Variants in FRMPD4 observed in about 807,000 individuals in gnomAD.
FRMPD4 encodes FERM and PDZ domain-containing protein 4.
FRMPD4 carries 22 observed loss-of-function variants against 94.1 expected under a neutral mutation model. That is an observed-to-expected ratio of 0.23 (90% confidence interval 0.17 to 0.33). The LOEUF is 0.33. Ranked by LOEUF, FRMPD4 falls within the 10% of genes least tolerant of loss-of-function variation. FRMPD4 has a pLI of 1.00. For missense variants in FRMPD4, 1,111 were observed against 1,339.9 expected, an observed-to-expected ratio of 0.83 and a Z score of 2.67; for synonymous variants, 631 against 548.6, an observed-to-expected ratio of 1.15 and a Z score of -2.10.
rs952954871 is a variant in FRMPD4 at position 12,723,655 on chromosome X, G to A, written c.*1797G>A. 1.8e-5 allele frequency: 2 copies of A among 111,510 alleles called. No homozygotes were observed. The highest frequency in any genetic ancestry group is 6.5e-5 in the African/African-American group (2 of 30,643). The allele number at this position is 111,510 out of a possible 1,213,427, so 9.2% of individuals were successfully genotyped here. On this transcript the variant is annotated 3_prime_UTR_variant, in exon 17 of 17. Coordinates refer to ENST00000675598, the MANE Select transcript of FRMPD4 (RefSeq NM_001368397.1). The stretch of plus-strand genomic sequence containing the variant: ...GTACTAAAATCCTAACCTATTAATA[G>A]GATGTGTGCCCTATGTCAGACAGTG...
chrX:12,043,947 T>C (rs927414500), intron 3 of FRMPD4, among the ~76,000 whole-genome samples: 6 of 111,769 alleles, frequency 5.4e-5, no homozygotes, highest in African/African-American at 1.6e-4. Flanking sequence ...TGATAAAATA[T>C]AGTTTATTCT....
At chrX:12,369,164 C>T (rs1298974480) in intron 1 of FRMPD4, among the ~76,000 whole-genome samples, 3 of 109,693 alleles carry the variant, frequency 2.7e-5, no homozygotes, top group South Asian at 4.0e-4. Context: ...GGGCAGTCTG[C>T]TGTATGTAAG....
At chrX:11,884,500 A>G (rs1424665606) in intron 3 of FRMPD4, among the ~76,000 whole-genome samples, 4 of 111,281 alleles carry the variant, frequency 3.6e-5, no homozygotes, top group Non-Finnish European at 7.5e-5. Flanking sequence ...TGTTTTTCTA[A>G]TGTGTGTGTA....
chrX:11,876,197 A>G (rs1188217618), intron 2 of FRMPD4, among the ~76,000 whole-genome samples: 1 of 110,293 alleles, frequency 9.1e-6, no homozygotes, highest in Non-Finnish European at 1.9e-5. Flanking sequence ...ACTCTGTACT[A>G]TTTCTCCCTC....
At chrX:12,474,149 G>A (rs758903824) in intron 1 of FRMPD4, among the ~76,000 whole-genome samples, 1 of 109,991 alleles carries the variant, frequency 9.1e-6, no homozygotes, top group South Asian at 3.8e-4. Flanking sequence ...TAGAACTCAG[G>A]ATTAAGAAAC....
chrX:12,558,454 A>G (rs2058618805), intron 2 of FRMPD4, among the ~76,000 whole-genome samples: 1 of 112,933 alleles, frequency 8.9e-6, no homozygotes, highest in Non-Finnish European at 1.9e-5. Flanking sequence ...TGCATATATT[A>G]TCTGTCTCTG....
intron 2 of FRMPD4, among the ~76,000 whole-genome samples, chrX:12,590,885 T>C (rs1456111434): frequency 1.8e-5 from 2 of 112,067 alleles, no homozygotes; most frequent in Admixed American, 9.4e-5. Flanking sequence ...ATTTGTGCTA[T>C]TGACATGACT....
In FRMPD4 at chrX:12,163,601, G is replaced by A. The variant is rs747509783; in HGVS notation, c.41+24589G>A. ...CCATTAGGGTTTTCATTCAGTGCCA[G>A]GCAGTGTTTACACTTGCCAACGTGC... On this transcript the variant is annotated intron_variant, in intron 1 of 16. Transcript: ENST00000675598. Among the ~76,000 whole-genome samples, 4 of 111,662 alleles carry A rather than the reference G, an allele frequency of 3.6e-5. No individual in the cohort carries two copies. The South Asian group carries it at 1.5e-3, about 42-fold the overall frequency.
At chrX:12,715,100 C>T (rs1269700018) in intron 14 of FRMPD4, among the ~76,000 whole-genome samples, 1 of 111,412 alleles carries the variant, frequency 9.0e-6, no homozygotes, top group African/African-American at 3.3e-5. Flanking sequence ...ATAGTATGGC[C>T]CTAAAATTTT....
At chrX:12,487,993 A>T (rs1210069903) in intron 1 of FRMPD4, among the ~76,000 whole-genome samples, 3 of 112,473 alleles carry the variant, frequency 2.7e-5, no homozygotes, top group Non-Finnish European at 1.9e-5. Flanking sequence ...ACCCATTAAA[A>T]ATATTGCAAA....
At chrX:12,263,487 C>T (rs1476243902) in intron 1 of FRMPD4, among the ~76,000 whole-genome samples, 1 of 111,732 alleles carries the variant, frequency 8.9e-6, no homozygotes, top group Non-Finnish European at 1.9e-5. Context: ...GGAATGAAAG[C>T]CAGTAGAGAG....
intron 4 of FRMPD4, among the ~76,000 whole-genome samples, chrX:12,642,426 T>C (rs1226627251): frequency 9.0e-6 from 1 of 110,975 alleles, no homozygotes; most frequent in Non-Finnish European, 1.9e-5. Flanking sequence ...TTAGAGTGCT[T>C]TGGGGAGTGA....
At chrX:12,156,240 A>G (rs1396503654) in intron 1 of FRMPD4, among the ~76,000 whole-genome samples, 1 of 111,637 alleles carries the variant, frequency 9.0e-6, no homozygotes, top group Non-Finnish European at 1.9e-5. Flanking sequence ...ATTGACAAAC[A>G]CTGGATGCTA....
rs998088360 is a variant in FRMPD4 at position 12,265,544 on chromosome X, A to G, written c.41+126532A>G. 6.3e-5 allele frequency among the ~76,000 whole-genome samples: 7 copies of G among 111,735 alleles called. 1 individual carries two copies. The highest frequency in any genetic ancestry group is 5.7e-4 in the Admixed American group (6 of 10,589). ...TTAAAGGGCATTTTGATTTGTAGACACTACCCCTTGGGGAAATTTTCTCAG... is the reference window on the plus strand; with the variant it reads ...TTAAAGGGCATTTTGATTTGTAGACGCTACCCCTTGGGGAAATTTTCTCAG... On this transcript the variant is annotated intron_variant, in intron 1 of 16. Transcript: ENST00000675598.
At chrX:12,351,402 G>A (rs1472713164) in intron 1 of FRMPD4, among the ~76,000 whole-genome samples, 2 of 110,503 alleles carry the variant, frequency 1.8e-5, no homozygotes, top group Non-Finnish European at 3.8e-5. Flanking sequence ...TAAACAGTTC[G>A]CAGTCTTGGT....
intron 1 of FRMPD4, among the ~76,000 whole-genome samples, chrX:12,236,910 G>A (rs916133386): frequency 5.4e-5 from 6 of 111,598 alleles, no homozygotes; most frequent in African/African-American, 1.6e-4. Flanking sequence ...GATACTTTTG[G>A]ATTGTCACAA....
chrX:12,537,718 A>C (rs2058356320), intron 2 of FRMPD4, among the ~76,000 whole-genome samples: 1 of 105,861 alleles, frequency 9.4e-6, no homozygotes, highest in African/African-American at 3.5e-5. Context: ...CCCATTCCCC[A>C]CCCTTCACCT....
chrX:12,387,388 T>TTAAA (rs1382982687), intron 1 of FRMPD4, among the ~76,000 whole-genome samples: 1 of 111,997 alleles, frequency 8.9e-6, no homozygotes. Context: ...CTAAGACAGA[T>TTAAA]TAAATAATGT....
rs1295037514 is a variant in FRMPD4 at position 12,718,286 on chromosome X, G to A, written c.3460G>A (p.Val1154Met). ...TCAAGGGGACCGCTTCTTAACTGAC[G>A]TGACCTGTGCATCTTCAGCCAAAGA... ...LGQGDRFLTDVTCASSAKDLD... is the reference protein window; with the variant it reads ...LGQGDRFLTDMTCASSAKDLD... The change falls in exon 16 of 17, where the codon GTG becomes ATG. Residue 1154 changes from valine (V) to methionine (M), a missense_variant. Coordinates refer to ENST00000675598, the MANE Select transcript of FRMPD4 (RefSeq NM_001368397.1). The A allele has an allele frequency of 2.5e-6, 3 of 1,209,787 alleles. No homozygotes were observed. Among genetic ancestry groups the A allele is most frequent in the African/African-American group, 1.7e-5 (1 of 57,201 alleles).
Sources: allele counts gnomAD v4.1 joint callset (sites outside exome capture counted in the v4.1 genomes callset), GRCh38; gene constraint gnomAD v4.1.1; transcripts MANE v1.5; gene names NCBI Gene and HGNC (gene_info 2026-07-23, HGNC 2026-07-21).